The following TAFA3 variants were observed in gnomAD, a reference collection of about 807,000 sequenced individuals.
The protein encoded by TAFA3 is chemokine-like protein TAFA-3.
A neutral mutation model predicts 20.7 loss-of-function variants in TAFA3; 17 were observed. The observed-to-expected ratio is 0.82, with a 90% CI of 0.56 to 1.23. The LOEUF is 1.23. Among genes scored for constraint, TAFA3 ranks in the 50% most tolerant of loss-of-function variants. TAFA3 has a pLI of 0.00. For missense variants in TAFA3, 174 were observed against 172.8 expected (o/e 1.01, Z -0.04); for synonymous variants, 74 against 71.8 (o/e 1.03, Z -0.16).
intron 5 of TAFA3, 58 bp from the exon 6 acceptor site, chr1:112,726,571 A>G: frequency 6.3e-7 from 1 of 1,585,326 alleles, no homozygotes; most frequent in South Asian, 1.1e-5. Flanking sequence ...AGTCTCTGGC[A>G]TGCTGGAATG....
chr1:112,725,395 TAAAAAAA>T (rs35474012), intron 5 of TAFA3, among the ~76,000 whole-genome samples: 1 of 83,378 alleles, frequency 1.2e-5, no homozygotes, highest in Non-Finnish European at 2.5e-5. Context: ...GTTGAAATAT[TAAAAAAA>T]AAAAAAAAAA....
chr1:112,726,493 C>T, intron 5 of TAFA3, 136 bp from the exon 6 acceptor site: 1 of 853,248 alleles, frequency 1.2e-6, no homozygotes, highest in Non-Finnish European at 1.9e-6. Flanking sequence ...CATGCTTTCC[C>T]ATTCCGGCCT....
Position 112,727,042 on chromosome 1 carries a change from A to G in TAFA3, c.*402A>G. 1 of 218,390 alleles carries G rather than the reference A, an allele frequency of 4.6e-6. No individual in the cohort carries two copies. Among genetic ancestry groups the G allele is most frequent in the South Asian group, 8.1e-5 (1 of 12,318 alleles). The allele number at this position is 218,390 out of a possible 1,614,324, so 13.5% of individuals were successfully genotyped here. ...AGTTCTTCAGATACCCTGTGGCCAC[A>G]GGGCATAGAAACAAGAGGTCACATT... On this transcript the variant is annotated 3_prime_UTR_variant, in exon 6 of 6. Coordinates refer to ENST00000361886, the MANE Select transcript of TAFA3 (RefSeq NM_182759.3).
chr1:112,721,880 G>A (rs951342995), intron 2 of TAFA3, among the ~76,000 whole-genome samples: 1 of 152,190 alleles, frequency 6.6e-6, no homozygotes, highest in African/African-American at 2.4e-5. Flanking sequence ...ATGTTGCTTT[G>A]TAGGACAGTT....
chr1:112,726,617 C>T lies in TAFA3; in HGVS notation c.391-12C>T. ...TCCCTTCTCTAACCTTACCCTCTCGCTTCTTCACCAGGTCACACGATAGCT... is the reference window on the plus strand; with the variant it reads ...TCCCTTCTCTAACCTTACCCTCTCGTTTCTTCACCAGGTCACACGATAGCT... On this transcript the variant is annotated splice_polypyrimidine_tract_variant and intron_variant, in intron 5 of 5. Coordinates refer to ENST00000361886, the MANE Select transcript of TAFA3 (RefSeq NM_182759.3). The T allele has an allele frequency of 1.2e-6, 2 of 1,613,878 alleles. No homozygotes were observed. Among genetic ancestry groups the T allele is most frequent in the Admixed American group, 1.7e-5 (1 of 60,008 alleles).
At chr1:112,725,415 A>AAC (rs1675445739) in intron 5 of TAFA3, among the ~76,000 whole-genome samples, 2 of 151,606 alleles carry the variant, frequency 1.3e-5, no homozygotes, top group Non-Finnish European at 2.9e-5. Flanking sequence ...AAAAAAAAAA[A>AAC]CATAGTCGAG....
At chr1:112,724,528 G>C (rs931329781) in intron 5 of TAFA3, among the ~76,000 whole-genome samples, 2 of 147,986 alleles carry the variant, frequency 1.4e-5, no homozygotes, top group Non-Finnish European at 3.0e-5. Context: ...GTAAACTATC[G>C]CAAGAACAAA....
rs995844396 is a variant in TAFA3 at position 112,722,257 on chromosome 1, C to G, written c.24C>G (p.Asn8Lys). The G allele has an allele frequency of 4.3e-6, 7 of 1,614,020 alleles. No individual in the cohort carries two copies. Among genetic ancestry groups the G allele is most frequent in the Non-Finnish European group, 5.9e-6 (7 of 1,180,022 alleles). The change falls in exon 3 of 6, where the codon AAC (asparagine) becomes AAG (lysine). Residue 8 changes from asparagine to lysine, a missense_variant. Asn to Lys is a moderately conservative substitution (Grantham distance 94, BLOSUM62 0). Transcript: ENST00000361886. ...GGATGAGTGAGAGGGTCGAGCGGAA[C>G]TGGAGCACGGGCGGCTGGCTGCTGG... MSERVERNWSTGGWLLAL... is the reference protein window; with the variant it reads MSERVERKWSTGGWLLAL...
chr1:112,725,924 G>A (rs12722910), intron 5 of TAFA3, among the ~76,000 whole-genome samples: 14,648 of 152,188 alleles, frequency 0.096, 944 homozygotes, highest in Non-Finnish European at 0.13. Flanking sequence ...GAATCAAGAG[G>A]TCAGGAGTTC....
In TAFA3 at chr1:112,724,252, A is replaced by C. The variant is rs149644479; in HGVS notation, c.390+115A>C. The C allele has an allele frequency of 1.2e-3, 1,167 of 983,196 alleles. 11 individuals carry two copies. In the African/African-American group the frequency reaches 0.018, roughly 15 times the overall value. 60.9% of individuals were successfully genotyped at this position (983,196 alleles called of 1,614,324 possible). ...GTCAGTGTCCCAAGGTGAGATCGTG[A>C]ACCATGAAATTCACAGACAGTCCTC... On this transcript the variant is annotated intron_variant, in intron 5 of 5. Transcript: ENST00000361886.
chr1:112,724,080 G>A lies in TAFA3; in HGVS notation c.333G>A (p.Val111=). ...EPCLPGEECK[V]LPDLSGWSCS... ...GCCTGCCGGGGGAGGAGTGTAAGGT[G>A]CTCCCGGACCTGTCGGGATGGAGCT... Residue 111 remains valine, a synonymous_variant, in exon 5 of 6, where the codon GTG becomes GTA. Transcript: ENST00000361886. 1 of 1,613,634 alleles carries A rather than the reference G, an allele frequency of 6.2e-7. No homozygotes were observed. Among genetic ancestry groups the A allele is most frequent in the Non-Finnish European group, 8.5e-7 (1 of 1,179,960 alleles).
At chr1:112,720,150 G>T (rs1224442670) in intron 1 of TAFA3, among the ~76,000 whole-genome samples, 1 of 152,056 alleles carries the variant, frequency 6.6e-6, no homozygotes, top group Non-Finnish European at 1.5e-5. Context: ...ATAGTGGGTA[G>T]GAGGTGGAAG....
At chr1:112,725,521 C>T (rs1557789435) in intron 5 of TAFA3, among the ~76,000 whole-genome samples, 1 of 151,356 alleles carries the variant, frequency 6.6e-6, no homozygotes. Context: ...CTGCCGTGAC[C>T]ATCCCCCACC....
At chr1:112,726,507 T>A (rs1675474760) in intron 5 of TAFA3, 122 bp from the exon 6 acceptor site, 6 of 1,013,098 alleles carry the variant, frequency 5.9e-6, no homozygotes, top group Non-Finnish European at 9.1e-6. Flanking sequence ...CCGGCCTGCT[T>A]TAGGGTGAGA....
Position 112,722,217 on chromosome 1 carries a change from G to A in TAFA3, c.-1-16G>A. 3.7e-6 allele frequency: 6 copies of A among 1,613,638 alleles called. No homozygotes were observed. Among genetic ancestry groups the A allele is most frequent in the Non-Finnish European group, 5.1e-6 (6 of 1,179,692 alleles). ...TTCTGCCTGGAGCTGAGCAGAATGT[G>A]TGCTTCTCTCCGCAGGATGAGTGAG... On this transcript the variant is annotated splice_polypyrimidine_tract_variant and intron_variant, in intron 2 of 5. Transcript: ENST00000361886.
In TAFA3 at chr1:112,727,001, G is replaced by A; in HGVS notation, c.*361G>A. On this transcript the variant is annotated 3_prime_UTR_variant, in exon 6 of 6. Transcript: ENST00000361886. ...CATGCTATGGCATGATGGGGGTTTGGGAATGAGATTCCCACAGTTCTTCAG... is the reference window on the plus strand; with the variant it reads ...CATGCTATGGCATGATGGGGGTTTGAGAATGAGATTCCCACAGTTCTTCAG... The A allele has an allele frequency of 3.7e-6, 1 of 272,210 alleles. No homozygotes were observed. Among genetic ancestry groups the A allele is most frequent in the South Asian group, 5.8e-5 (1 of 17,200 alleles). The allele number at this position is 272,210 out of a possible 1,614,324, so 16.9% of individuals were successfully genotyped here.
At chr1:112,721,299 T>C (rs1325240012) in intron 2 of TAFA3, among the ~76,000 whole-genome samples, 2 of 152,192 alleles carry the variant, frequency 1.3e-5, no homozygotes, top group Non-Finnish European at 2.9e-5. Flanking sequence ...CTGAGCAACA[T>C]AGATAATCCT....
chr1:112,726,916 A>G lies in TAFA3; in HGVS notation c.*276A>G. 1 of 508,630 alleles carries G rather than the reference A, an allele frequency of 2.0e-6. No homozygotes were observed. Among genetic ancestry groups the G allele is most frequent in the Non-Finnish European group, 3.5e-6 (1 of 285,640 alleles). 31.5% of individuals were successfully genotyped at this position (508,630 alleles called of 1,614,324 possible). On this transcript the variant is annotated 3_prime_UTR_variant, in exon 6 of 6. Coordinates refer to ENST00000361886, the MANE Select transcript of TAFA3 (RefSeq NM_182759.3). ...GTCCAGTTGAATTGGAGAGTTGATG[A>G]CAGACAATTTAGATAATTTAGGTTA...
intron 3 of TAFA3, 151 bp downstream of exon 3, chr1:112,722,499 C>A: frequency 3.0e-6 from 2 of 677,548 alleles, no homozygotes; most frequent in Non-Finnish European, 4.9e-6. Flanking sequence ...CTGCTCTTTA[C>A]CCAGGAATCT....
Sources: allele counts gnomAD v4.1 joint callset (sites outside exome capture counted in the v4.1 genomes callset), GRCh38; gene constraint gnomAD v4.1.1; transcripts MANE v1.5; gene names NCBI Gene and HGNC (gene_info 2026-07-23, HGNC 2026-07-21).